Variants in GRM5 observed in about 807,000 individuals in gnomAD.
The protein encoded by GRM5 is glutamate metabotropic receptor 5.
A neutral mutation model predicts 83.1 loss-of-function variants in GRM5; 19 were observed. That is an observed-to-expected ratio of 0.23 (90% CI 0.16 to 0.34). The LOEUF (loss-of-function observed/expected upper bound fraction) is 0.34. Among genes scored for constraint, GRM5 ranks in the 10% least tolerant of loss-of-function variants. GRM5 has a pLI of 1.00. For missense variants in GRM5, 1,160 were observed against 1,588.3 expected (o/e 0.73, Z 4.58); for synonymous variants, 675 against 633.6 (o/e 1.07, Z -0.98).
intron 3 of GRM5, among the ~76,000 whole-genome samples, chr11:88,740,690 G>A (rs1942009076): frequency 6.6e-6 from 1 of 151,988 alleles, no homozygotes; most frequent in Non-Finnish European, 1.5e-5. Context: ...AATCTAATAA[G>A]GCTTCGTGAG....
chr11:88,863,981 C>A (rs1944614263), intron 2 of GRM5, among the ~76,000 whole-genome samples: 1 of 151,070 alleles, frequency 6.6e-6, no homozygotes, highest in Non-Finnish European at 1.5e-5. Context: ...AGATCCAGTA[C>A]AATAAAGGTG....
At chr11:89,027,825 A>G (rs549103319) in intron 2 of GRM5, among the ~76,000 whole-genome samples, 18 of 152,308 alleles carry the variant, frequency 1.2e-4, no homozygotes, top group Non-Finnish European at 2.2e-4. Flanking sequence ...TATCACTGCT[A>G]TGGTCTGAAT....
At chr11:88,680,188 A>G (rs919335325) in intron 3 of GRM5, among the ~76,000 whole-genome samples, 3 of 152,056 alleles carry the variant, frequency 2.0e-5, no homozygotes, top group African/African-American at 7.2e-5. Context: ...CCAATAACTT[A>G]CTCGACATTT....
At chr11:88,751,979 A>C (rs1008143871) in intron 3 of GRM5, among the ~76,000 whole-genome samples, 4 of 152,176 alleles carry the variant, frequency 2.6e-5, no homozygotes, top group African/African-American at 9.6e-5. Context: ...TATATGACAA[A>C]TCTACAGTCA....
At chr11:88,823,672 C>T (rs570798056) in intron 3 of GRM5, among the ~76,000 whole-genome samples, 12 of 152,268 alleles carry the variant, frequency 7.9e-5, no homozygotes, top group African/African-American at 2.9e-4. Flanking sequence ...GAGATACTCC[C>T]ACTTTCCTGC....
intron 8 of GRM5, among the ~76,000 whole-genome samples, chr11:88,549,485 C>G (rs1350669413): frequency 6.6e-6 from 1 of 151,590 alleles, no homozygotes; most frequent in Non-Finnish European, 1.5e-5. Context: ...AAACCAAACC[C>G]CAACCCCCCA....
chr11:88,751,089 A>AAC (rs1287118720), intron 3 of GRM5, among the ~76,000 whole-genome samples: 3 of 149,122 alleles, frequency 2.0e-5, no homozygotes, highest in East Asian at 3.9e-4. Flanking sequence ...AAAAAAAAAA[A>AAC]AAAAAACAAA....
chr11:88,644,399 G>T (rs7125723), intron 4 of GRM5, among the ~76,000 whole-genome samples: 151,392 of 152,298 alleles, frequency 0.99, 75,253 homozygotes, highest in East Asian at 1. Flanking sequence ...CAAGGCATTG[G>T]GATAGGGATT....
intron 4 of GRM5, among the ~76,000 whole-genome samples, chr11:88,609,630 T>C (rs1938261491): frequency 6.6e-6 from 1 of 152,220 alleles, no homozygotes; most frequent in Non-Finnish European, 1.5e-5. Flanking sequence ...ATTCTGGATA[T>C]TAGACATTTG....
intron 8 of GRM5, among the ~76,000 whole-genome samples, chr11:88,560,459 T>C (rs966733184): frequency 6.6e-6 from 1 of 152,148 alleles, no homozygotes; most frequent in Non-Finnish European, 1.5e-5. Flanking sequence ...TCTGTATCCC[T>C]AGGATCTGGA....
intron 2 of GRM5, among the ~76,000 whole-genome samples, chr11:88,991,641 C>A (rs1354033680): frequency 1.3e-5 from 2 of 150,360 alleles, no homozygotes; most frequent in Admixed American, 6.7e-5. Flanking sequence ...ACCAAAACAG[C>A]ATGGTACTGG....
chr11:88,724,571 T>C (rs1350575756), intron 3 of GRM5, among the ~76,000 whole-genome samples: 1 of 152,160 alleles, frequency 6.6e-6, no homozygotes, highest in Non-Finnish European at 1.5e-5. Context: ...TAATAAGTAC[T>C]TACTTACTGC....
intron 2 of GRM5, among the ~76,000 whole-genome samples, chr11:88,853,287 A>G (rs1054854252): frequency 1.3e-5 from 2 of 152,114 alleles, no homozygotes; most frequent in Admixed American, 1.3e-4. Context: ...TCATTATGCA[A>G]TAAAATATAT....
chr11:88,608,973 A>G (rs893438269), intron 4 of GRM5, among the ~76,000 whole-genome samples: 2 of 152,150 alleles, frequency 1.3e-5, no homozygotes, highest in African/African-American at 4.8e-5. Context: ...ATCCTACACT[A>G]ATACTAGTCC....
intron 2 of GRM5, among the ~76,000 whole-genome samples, chr11:88,876,169 T>C (rs190338149): frequency 3.3e-5 from 5 of 152,246 alleles, no homozygotes; most frequent in Admixed American, 6.6e-5. Context: ...TCAATTATCT[T>C]ATATCTGGAT....
intron 3 of GRM5, among the ~76,000 whole-genome samples, chr11:88,720,772 C>A (rs1257479456): frequency 1.3e-5 from 2 of 150,884 alleles, no homozygotes; most frequent in African/African-American, 2.4e-5. Flanking sequence ...CAGACTCACA[C>A]AGGTTTGCAG....
At chr11:88,564,466 C>G (rs1301935592) in intron 8 of GRM5, among the ~76,000 whole-genome samples, 3 of 152,100 alleles carry the variant, frequency 2.0e-5, no homozygotes, top group Admixed American at 6.6e-5. Context: ...AACTTTATAA[C>G]TATAGTAAAG....
intron 3 of GRM5, among the ~76,000 whole-genome samples, chr11:88,810,141 A>G (rs1269168622): frequency 2.0e-5 from 3 of 152,064 alleles, no homozygotes; most frequent in Admixed American, 2.0e-4. Flanking sequence ...AAGTATGAGA[A>G]AGACTGAAGA....
intron 2 of GRM5, among the ~76,000 whole-genome samples, chr11:89,026,122 G>C (rs1402323256): frequency 6.6e-6 from 1 of 152,052 alleles, no homozygotes; most frequent in Non-Finnish European, 1.5e-5. Context: ...GAAAGCAAAT[G>C]GACACAAAGA....
Sources: gnomAD v4.1 joint callset for allele counts (sites outside exome capture counted in the v4.1 genomes callset) on GRCh38, gnomAD v4.1.1 for gene constraint, MANE v1.5 for transcripts, NCBI Gene and HGNC (gene_info 2026-07-23, HGNC 2026-07-21) for gene names.